The following ZC2HC1B variants were observed in gnomAD, a reference collection of about 807,000 sequenced individuals.
The protein encoded by ZC2HC1B is zinc finger C2HC-type containing 1B.
ZC2HC1B carries 36 observed loss-of-function variants against 31.0 expected under a neutral mutation model. The ratio of observed to expected loss-of-function variants is 1.16; its 90% CI spans 0.89 to 1.54. The LOEUF (loss-of-function observed/expected upper bound fraction) is 1.54. Ranked by LOEUF, ZC2HC1B falls within the 40% of genes most tolerant of loss-of-function variation. ZC2HC1B has a pLI of 0.00. For synonymous variants in ZC2HC1B, 73 were observed against 88.0 expected, an observed-to-expected ratio of 0.83 and a Z score of 0.95; for missense variants, 260 against 268.6, an observed-to-expected ratio of 0.97 and a Z score of 0.22.
rs181793589 is a variant in ZC2HC1B, at chr6:143,885,213, A to G, written c.91-819A>G. ...TTTATTTTTCTGGAGAATTTAAAAA[A>G]TGAAATAGCTGTCTTTTAGTTAACT... On this transcript the variant is annotated intron_variant, in intron 2 of 7. Coordinates refer to ENST00000237275, the MANE Select transcript of ZC2HC1B (RefSeq NM_001013623.3). The surrounding 1 kb of genome is among the most constrained non-coding windows in gnomAD (Gnocchi z 4.2). Among the ~76,000 whole-genome samples, 105 of 152,320 alleles carry G rather than the reference A, an allele frequency of 6.9e-4. 2 individuals carry two copies. Among genetic ancestry groups the G allele is most frequent in the Admixed American group, 6.9e-3 (105 of 15,288 alleles).
chr6:143,887,032 G>C lies in ZC2HC1B; in HGVS notation c.349+211G>C, dbSNP rs1261924399. On this transcript the variant is annotated intron_variant, in intron 4 of 7. Transcript: ENST00000237275. This position sits in a 1 kb window ranked among gnomAD's most constrained non-coding sequence, Gnocchi z 5.1. ...TCAACGTGGGAACACCACTGTAGCT[G>C]TGCTGTAGTATTACATGACTCCAAG... Among the ~76,000 whole-genome samples the C allele has an allele frequency of 1.3e-5, 2 of 152,124 alleles. No homozygotes were observed. Among genetic ancestry groups the C allele is most frequent in the African/African-American group, 4.8e-5 (2 of 41,424 alleles).
In ZC2HC1B at chr6:143,884,950, T is replaced by C. The variant is rs1777512930; in HGVS notation, c.90+585T>C. ...ATGTCAAGTCCCCGATTGATGGCTA[T>C]AAAGTTGAATAAAAGCTTGATTTAT... is the stretch of plus-strand genomic sequence containing the variant. On this transcript the variant is annotated intron_variant, in intron 2 of 7. Coordinates refer to ENST00000237275, the MANE Select transcript of ZC2HC1B (RefSeq NM_001013623.3). The surrounding 1 kb of genome is among the most constrained non-coding windows in gnomAD (Gnocchi z 5.1). Among the ~76,000 whole-genome samples, 2 of 152,184 alleles carry C rather than the reference T, an allele frequency of 1.3e-5. No individual in the cohort carries two copies. Among genetic ancestry groups the C allele is most frequent in the South Asian group, 4.1e-4 (2 of 4,830 alleles).
rs896049938 is a variant in ZC2HC1B, at chr6:143,869,670, A to G, written c.28+5103A>G. Among the ~76,000 whole-genome samples, 3 of 152,182 alleles carry G rather than the reference A, an allele frequency of 2.0e-5. No individual in the cohort carries two copies. Among genetic ancestry groups the G allele is most frequent in the Admixed American group, 6.5e-5 (1 of 15,276 alleles). On this transcript the variant is annotated intron_variant, in intron 1 of 7. Coordinates refer to ENST00000237275, the MANE Select transcript of ZC2HC1B (RefSeq NM_001013623.3). This position sits in a 1 kb window ranked among gnomAD's most constrained non-coding sequence, Gnocchi z 5.2. The stretch of plus-strand genomic sequence containing the variant: ...CCTTTTCCATGATGGAAGAGGTTCA[A>G]TGTAATCAACCTGCCAGCAGGTAGC...
chr6:143,920,731 A>C (rs1777976891), intron 6 of ZC2HC1B, among the ~76,000 whole-genome samples: 1 of 152,004 alleles, frequency 6.6e-6, no homozygotes. Context: ...AACATGGTGA[A>C]ACCCCGTCTC....
intron 1 of ZC2HC1B, among the ~76,000 whole-genome samples, chr6:143,882,334 T>TATATATTTTTTATATATATA (rs1554237238): frequency 1.2e-5 from 1 of 85,554 alleles, no homozygotes; most frequent in African/African-American, 6.4e-5. Context: ...TTTATATTTT[T>TATATATTTTTTATATATATA]TATATATATA....
At chr6:143,916,779 C>A (rs1299983417) in intron 6 of ZC2HC1B, among the ~76,000 whole-genome samples, 2 of 152,218 alleles carry the variant, frequency 1.3e-5, no homozygotes, top group African/African-American at 4.8e-5. Flanking sequence ...TTTGGAATGG[C>A]TGTATTTACC....
chr6:143,914,196 T>A (rs1777891642), intron 6 of ZC2HC1B, among the ~76,000 whole-genome samples: 1 of 152,206 alleles, frequency 6.6e-6, no homozygotes, highest in Admixed American at 6.5e-5. Context: ...AGATCTTTTT[T>A]GTTTTTTTAA....
Position 143,872,935 on chromosome 6 carries a change from C to T in ZC2HC1B, c.28+8368C>T, listed in dbSNP as rs1365592232. Among the ~76,000 whole-genome samples, 1 of 152,156 alleles carries T rather than the reference C, an allele frequency of 6.6e-6. No individual in the cohort carries two copies. The highest frequency in any genetic ancestry group is 2.4e-5 in the African/African-American group (1 of 41,444). On this transcript the variant is annotated intron_variant, in intron 1 of 7. Coordinates refer to ENST00000237275, the MANE Select transcript of ZC2HC1B (RefSeq NM_001013623.3). This position sits in a 1 kb window ranked among gnomAD's most constrained non-coding sequence, Gnocchi z 5.5. The stretch of plus-strand genomic sequence containing the variant: ...CCCCTGGCCCCTGAAAATCTCATGT[C>T]CTCACATTTCAAAACCAATCATGCC...
At chr6:143,880,889 C>T (rs952203718) in intron 1 of ZC2HC1B, among the ~76,000 whole-genome samples, 3 of 152,136 alleles carry the variant, frequency 2.0e-5, no homozygotes, top group Non-Finnish European at 4.4e-5. Flanking sequence ...TGCCATTTAC[C>T]CAGTTTTCCC....
intron 1 of ZC2HC1B, among the ~76,000 whole-genome samples, chr6:143,866,326 C>T (rs1166851197): frequency 6.6e-6 from 1 of 152,234 alleles, no homozygotes; most frequent in Admixed American, 6.5e-5. Context: ...AGAATACTTT[C>T]CATTAGCCCA....
chr6:143,904,926 T>C (rs1383994350), intron 6 of ZC2HC1B, among the ~76,000 whole-genome samples: 1 of 152,236 alleles, frequency 6.6e-6, no homozygotes, highest in Non-Finnish European at 1.5e-5. Context: ...TCTATTTCAT[T>C]GGTTTATATG....
chr6:143,867,084 T>C (rs1158059048), intron 1 of ZC2HC1B, among the ~76,000 whole-genome samples: 2 of 152,202 alleles, frequency 1.3e-5, no homozygotes, highest in East Asian at 3.8e-4. Context: ...AAAAGTTACT[T>C]TCAGGCTGTG....
rs115092467 is a variant in ZC2HC1B at position 143,926,624 on chromosome 6, T to G, written c.599-11025T>G. ...AAATATTCCATGCATGTCTTTTAGG[T>G]ACGTTGATCTGAAGTGCAATTTAAA... On this transcript the variant is annotated intron_variant, in intron 6 of 7. Transcript: ENST00000237275. Among the ~76,000 whole-genome samples, 234 of 152,190 alleles carry G rather than the reference T, an allele frequency of 1.5e-3. 2 individuals are homozygous for G. The highest frequency in any genetic ancestry group is 5.2e-3 in the African/African-American group (215 of 41,544).
At chr6:143,898,492 T>C in intron 4 of ZC2HC1B, 60 bp from the exon 5 acceptor site, 3 of 1,518,038 alleles carry the variant, frequency 2.0e-6, no homozygotes, top group Admixed American at 2.0e-5. Context: ...TATAATTCTA[T>C]AGTATTCTAT....
chr6:143,884,461 T>C lies in ZC2HC1B; in HGVS notation c.90+96T>C. The C allele has an allele frequency of 8.4e-7, 1 of 1,195,470 alleles. No homozygotes were observed. The highest frequency in any genetic ancestry group is 1.6e-5 in the South Asian group (1 of 62,848). 74.1% of individuals were successfully genotyped at this position (1,195,470 alleles called of 1,614,324 possible). On this transcript the variant is annotated intron_variant, in intron 2 of 7. Transcript: ENST00000237275. This position sits in a 1 kb window ranked among gnomAD's most constrained non-coding sequence, Gnocchi z 5.1. ...GCAGTGCAAAGATTAAAGACAGATG[T>C]GGAGGGGAAGCAAGGGAAGAGGAAA...
intron 6 of ZC2HC1B, among the ~76,000 whole-genome samples, chr6:143,904,950 C>T (rs192739338): frequency 1.5e-4 from 23 of 152,162 alleles, no homozygotes; most frequent in Non-Finnish European, 2.9e-4. Flanking sequence ...GTCTTTATGC[C>T]AGTATTATAT....
At chr6:143,902,478 G>A (rs139474165) in intron 5 of ZC2HC1B, among the ~76,000 whole-genome samples, 33 of 152,178 alleles carry the variant, frequency 2.2e-4, no homozygotes, top group African/African-American at 7.5e-4. Context: ...CTGCAGTTCC[G>A]TGGAACTGGA....
rs777160771 is a variant in ZC2HC1B at position 143,922,095 on chromosome 6, G to A, written c.599-15554G>A. On this transcript the variant is annotated intron_variant, in intron 6 of 7. Coordinates refer to ENST00000237275, the MANE Select transcript of ZC2HC1B (RefSeq NM_001013623.3). This position sits in a 1 kb window ranked among gnomAD's most constrained non-coding sequence, Gnocchi z 5.0. ...AGAAAAGTACCAAATGCCTTTCGTT[G>A]ATACAAACAAGCCCATGCATTAGTT... Among the ~76,000 whole-genome samples, 5 of 152,244 alleles carry A rather than the reference G, an allele frequency of 3.3e-5. No individual in the cohort carries two copies. Among genetic ancestry groups the A allele is most frequent in the Non-Finnish European group, 7.4e-5 (5 of 68,026 alleles).
intron 6 of ZC2HC1B, among the ~76,000 whole-genome samples, chr6:143,930,365 A>G (rs945933897): frequency 1.4e-5 from 2 of 140,754 alleles, no homozygotes; most frequent in Admixed American, 7.2e-5. Flanking sequence ...ATGTATTTGT[A>G]TAGTTTTGAG....
Sources: gnomAD v4.1 joint callset for allele counts (sites outside exome capture counted in the v4.1 genomes callset) on GRCh38, gnomAD v4.1.1 for gene constraint, Gnocchi (gnomAD v3.1) non-coding constraint, MANE v1.5 for transcripts, NCBI Gene and HGNC (gene_info 2026-07-23, HGNC 2026-07-21) for gene names.